Variants in ZNF329 observed in about 807,000 individuals in gnomAD.
ZNF329 encodes zinc finger protein 329.
A neutral mutation model predicts 26.6 loss-of-function variants in ZNF329; 15 were observed. The ratio of observed to expected loss-of-function variants is 0.56; its 90% CI spans 0.38 to 0.87. The LOEUF is 0.87. Ranked by LOEUF, ZNF329 falls within the 40% of genes least tolerant of loss-of-function variation. The probability of loss-of-function intolerance (pLI) is 0.00; values close to 1 mark genes in which losing one functional copy is unlikely to be tolerated. For synonymous variants in ZNF329, 239 were observed against 233.5 expected (o/e 1.02, Z -0.21); for missense variants, 651 against 651.9 (o/e 1.00, Z 0.02).
At chr19:58,150,550 G>C (rs997071456) in intron 1 of ZNF329, among the ~76,000 whole-genome samples, 4 of 152,254 alleles carry the variant, frequency 2.6e-5, no homozygotes, top group African/African-American at 7.2e-5. Context: ...AATCGCCACG[G>C]AGCGTCCCCA....
intron 1 of ZNF329, among the ~76,000 whole-genome samples, chr19:58,146,051 A>G (rs1399605073): frequency 2.0e-5 from 3 of 152,208 alleles, no homozygotes; most frequent in Admixed American, 1.3e-4. Context: ...AGGAAGACTA[A>G]AATAACATGA....
intron 3 of ZNF329, among the ~76,000 whole-genome samples, chr19:58,134,938 AAAACAAAC>A (rs770631701): frequency 6.6e-6 from 1 of 152,160 alleles, no homozygotes; most frequent in Non-Finnish European, 1.5e-5. Context: ...TCCATCTCAA[AAAACAAAC>A]AAACAAACAA....
intron 3 of ZNF329, among the ~76,000 whole-genome samples, chr19:58,133,730 G>A (rs922218558): frequency 6.6e-6 from 1 of 152,064 alleles, no homozygotes. Context: ...TAGGTGTGGT[G>A]ACTCACACCT....
chr19:58,147,191 T>G (rs1186010368), intron 1 of ZNF329, among the ~76,000 whole-genome samples: 5 of 148,992 alleles, frequency 3.4e-5, no homozygotes, highest in South Asian at 2.1e-4. Flanking sequence ...GGAGCGCCTC[T>G]GCCCGGCCGC....
chr19:58,127,764 C>A lies in ZNF329; in HGVS notation c.*114G>T, dbSNP rs114563414. On this transcript the variant is annotated 3_prime_UTR_variant, in exon 4 of 4. Coordinates refer to ENST00000598312, the MANE Select transcript of ZNF329 (RefSeq NM_024620.4). ...CAGCAATGTCTCACATTCATCAATT[C>A]ACTGGATAGCTTAAAGGATTCTTTT... The A allele has an allele frequency of 9.3e-4, 987 of 1,059,616 alleles. 9 individuals are homozygous for A. In the African/African-American group the frequency reaches 0.013, roughly 14 times the overall value. The allele number at this position is 1,059,616 out of a possible 1,614,324, so 65.6% of individuals were successfully genotyped here.
Position 58,128,334 on chromosome 19 carries a change from T to C in ZNF329, c.1170A>G (p.Gln390=), listed in dbSNP as rs750196517. Residue 390 remains glutamine, a synonymous_variant, in exon 4 of 4, where the codon CAA becomes CAG. Coordinates refer to ENST00000598312, the MANE Select transcript of ZNF329 (RefSeq NM_024620.4). ...FNRNSHLIVH[Q]KIHSGEKPYE... Reference sequence around the variant, plus strand: ...AGGGTTTCTCCCCAGAATGGATCTTTTGATGCACAATGAGGTGAGAGTTTC... The same window carrying C: ...AGGGTTTCTCCCCAGAATGGATCTTCTGATGCACAATGAGGTGAGAGTTTC... 6 of 1,614,152 alleles carry C rather than the reference T, an allele frequency of 3.7e-6. No homozygotes were observed. The highest frequency in any genetic ancestry group is 1.7e-5 in the Admixed American group (1 of 60,002).
chr19:58,132,450 G>A (rs1303153549), intron 3 of ZNF329: 1 of 152,210 alleles, frequency 6.6e-6, no homozygotes, highest in East Asian at 1.9e-4. Context: ...AGCACTTTGG[G>A]AGGCTGAGGC....
upstream of ZNF329, among the ~76,000 whole-genome samples, chr19:58,153,820 C>A (rs997573013): frequency 1.3e-5 from 2 of 152,056 alleles, no homozygotes; most frequent in Non-Finnish European, 2.9e-5. Context: ...GCAATCCTCC[C>A]ATCTCGACCT....
chr19:58,147,663 C>T (rs1173315879), intron 1 of ZNF329, among the ~76,000 whole-genome samples: 10 of 147,098 alleles, frequency 6.8e-5, no homozygotes, highest in South Asian at 6.3e-4. Flanking sequence ...GCCCCCCGCC[C>T]GGCCAGCCGC....
intron 3 of ZNF329, chr19:58,132,516 CTAAAAATACA>C (rs2074969970): frequency 6.6e-6 from 1 of 151,946 alleles, no homozygotes; most frequent in Non-Finnish European, 1.5e-5. Flanking sequence ...TATGTCTCTA[CTAAAAATACA>C]AAAATTAGCT....
chr19:58,139,130 G>C (rs912489556), intron 3 of ZNF329, among the ~76,000 whole-genome samples: 1 of 151,996 alleles, frequency 6.6e-6, no homozygotes. Context: ...GTCTCTCTTG[G>C]GGGTAGGGAG....
chr19:58,149,757 T>C (rs2075407521), intron 1 of ZNF329, among the ~76,000 whole-genome samples: 1 of 152,198 alleles, frequency 6.6e-6, no homozygotes, highest in African/African-American at 2.4e-5. Context: ...AGGCTGATGG[T>C]AATTTTAATA....
chr19:58,150,876 G>A (rs780689002), upstream of ZNF329: 1 of 152,596 alleles, frequency 6.6e-6, no homozygotes, highest in South Asian at 2.1e-4. Flanking sequence ...CGCGGGTACC[G>A]GGTTATTCAT....
At chr19:58,133,180 G>T (rs1037690775) in intron 3 of ZNF329, among the ~76,000 whole-genome samples, 2 of 152,196 alleles carry the variant, frequency 1.3e-5, no homozygotes, top group African/African-American at 4.8e-5. Flanking sequence ...TATTACAATA[G>T]ATCACTTAAT....
At chr19:58,145,423 G>C (rs2075287507) in intron 1 of ZNF329, among the ~76,000 whole-genome samples, 1 of 146,864 alleles carries the variant, frequency 6.8e-6, no homozygotes, top group Admixed American at 7.0e-5. Flanking sequence ...CTGGGTTTAA[G>C]TGATTCTCCT....
chr19:58,127,866 G>A lies in ZNF329; in HGVS notation c.*12C>T. 6.4e-7 allele frequency: 1 copy of A among 1,563,474 alleles called. No homozygotes were observed. The highest frequency in any genetic ancestry group is 8.7e-7 in the Non-Finnish European group (1 of 1,154,086). On this transcript the variant is annotated 3_prime_UTR_variant, in exon 4 of 4. Transcript: ENST00000598312. ...TGAGAGTGAACTGGAAGACTCATGT[G>A]GCCCCCAACCATTATGTTTCCATGG...
At chr19:58,141,061 G>A (rs965705945) in intron 3 of ZNF329, among the ~76,000 whole-genome samples, 4 of 151,864 alleles carry the variant, frequency 2.6e-5, no homozygotes, top group South Asian at 2.1e-4. Flanking sequence ...TCACCATGTT[G>A]GCCAGGCTGG....
intron 1 of ZNF329, among the ~76,000 whole-genome samples, chr19:58,143,602 G>T (rs550383574): frequency 6.6e-6 from 1 of 152,274 alleles, no homozygotes; most frequent in South Asian, 2.1e-4. Context: ...GCCCCAAACA[G>T]ACTTGGAGGC....
Position 58,140,451 on chromosome 19 carries a change from T to C in ZNF329, c.-9+2106A>G, listed in dbSNP as rs1043378440. 1.2e-3 allele frequency among the ~76,000 whole-genome samples: 180 copies of C among 151,594 alleles called. 2 individuals carry two copies. Among genetic ancestry groups the C allele is most frequent in the South Asian group, 8.4e-4 (4 of 4,786 alleles). On this transcript the variant is annotated intron_variant, in intron 3 of 3. Coordinates refer to ENST00000598312, the MANE Select transcript of ZNF329 (RefSeq NM_024620.4). ...TTTTTGAGACAGAGTCTTGCTCTTT[T>C]GCTAAGGCTGGTGTGCAGTGGCGTG...
Sources: gnomAD v4.1 joint callset for allele counts (sites outside exome capture counted in the v4.1 genomes callset) on GRCh38, gnomAD v4.1.1 for gene constraint, MANE v1.5 for transcripts, NCBI Gene and HGNC (gene_info 2026-07-23, HGNC 2026-07-21) for gene names.